FGL1: variants seen among roughly 807,000 people sequenced by gnomAD.
FGL1 encodes the protein fibrinogen-like protein 1.
Under a neutral mutation model 43.7 loss-of-function variants are expected in FGL1, and 59 were observed. That is an observed-to-expected ratio of 1.35 (90% CI 1.10 to 1.68). FGL1 has a LOEUF of 1.68. FGL1 is among the 40% of genes most tolerant of loss of function. FGL1 has a pLI of 0.00. For missense variants in FGL1, 596 were observed against 373.0 expected (o/e 1.60, Z -4.92); for synonymous variants, 192 against 126.5 (o/e 1.52, Z -3.48).
At chr8:17,876,368 G>A (rs958725421) in intron 3 of FGL1, among the ~76,000 whole-genome samples, 1 of 152,090 alleles carries the variant, frequency 6.6e-6, no homozygotes, top group African/African-American at 2.4e-5. Flanking sequence ...GAAAAGAAAA[G>A]AAAGAACCTT....
chr8:17,873,976 T>C (rs764832375), intron 5 of FGL1, 43 bp downstream of exon 5: 23 of 1,441,540 alleles, frequency 1.6e-5, no homozygotes, highest in Non-Finnish European at 2.1e-5. Context: ...TTAGTGTTGT[T>C]TTTATTATAT....
At chr8:17,873,724 A>G (rs974976040) in intron 5 of FGL1, among the ~76,000 whole-genome samples, 4 of 149,854 alleles carry the variant, frequency 2.7e-5, no homozygotes, top group African/African-American at 9.7e-5. Context: ...ATATCTATAT[A>G]TAGCTACATA....
At chr8:17,882,756 A>G (rs866808000) in intron 2 of FGL1, 12 of 95,724 alleles carry the variant, frequency 1.3e-4, no homozygotes, top group Admixed American at 3.5e-4. Context: ...AATATATATA[A>G]TATATAATAT....
rs1563458007 is a variant in FGL1, at chr8:17,883,105, A to AATAATATATAATATATTAAATAATAT, written c.64-927_64-926insATATTATTTAATATATTATATATTAT. On this transcript the variant is annotated intron_variant, in intron 2 of 7. Transcript: ENST00000427924. ...AATATATATCATATGTAATATATTA[A>AATAATATATAATATATTAAATAATAT]ATAATATATATCATATATAATATAT... Among the ~76,000 whole-genome samples, 2 of 15,028 alleles carry AATAATATATAATATATTAAATAATAT rather than the reference A, an allele frequency of 1.3e-4. 1 individual carries two copies. Among genetic ancestry groups the AATAATATATAATATATTAAATAATAT allele is most frequent in the Non-Finnish European group, 2.9e-4 (2 of 6,992 alleles). The allele number at this position is 15,028 out of a possible 152,430, so 9.9% of individuals were successfully genotyped here.
chr8:17,878,393 C>G (rs1005529423), intron 3 of FGL1, among the ~76,000 whole-genome samples: 4 of 152,198 alleles, frequency 2.6e-5, no homozygotes, highest in Non-Finnish European at 4.4e-5. Flanking sequence ...AGATGGGCAG[C>G]TGGACTTTGA....
chr8:17,891,619 T>G (rs907774408), intron 1 of FGL1: 1 of 932,214 alleles, frequency 1.1e-6, no homozygotes, highest in Non-Finnish European at 1.3e-6. Flanking sequence ...GGGGCACAGC[T>G]GAACCTAGCA....
intron 1 of FGL1, among the ~76,000 whole-genome samples, chr8:17,893,807 A>G (rs1292563591): frequency 6.8e-6 from 1 of 147,432 alleles, no homozygotes; most frequent in Non-Finnish European, 1.5e-5. Flanking sequence ...TCTGGTCTCC[A>G]TCATTCATTA....
rs533070431 is a variant in FGL1 at position 17,870,127 on chromosome 8, C to CA, written c.503-1124dup. Among the ~76,000 whole-genome samples the CA allele has an allele frequency of 2.7e-4, 40 of 150,856 alleles. No homozygotes were observed. In the East Asian group the frequency reaches 6.1e-3, roughly 23 times the overall value. ...TCCGTCGCAAAAAACAACAAAAAAA[C>CA]AAAAAAAAGAATACAATGTATTGGG... On this transcript the variant is annotated intron_variant, in intron 5 of 7. Transcript: ENST00000427924.
intron 7 of FGL1, among the ~76,000 whole-genome samples, chr8:17,867,366 G>C (rs1391577784): frequency 6.6e-6 from 1 of 152,184 alleles, no homozygotes; most frequent in East Asian, 1.9e-4. Context: ...GACAGTGTAT[G>C]TCACTGTAAA....
chr8:17,888,706 C>T (rs2053663723), intron 1 of FGL1, among the ~76,000 whole-genome samples: 1 of 152,008 alleles, frequency 6.6e-6, no homozygotes, highest in South Asian at 2.1e-4. Flanking sequence ...AGGATTGTAT[C>T]AGATATAAAT....
intron 3 of FGL1, chr8:17,874,754 G>T: frequency 3.0e-6 from 1 of 335,012 alleles, no homozygotes; most frequent in Admixed American, 4.7e-5. Flanking sequence ...GGAAAAAAGG[G>T]GAGTGAAATA....
chr8:17,867,352 C>G (rs1245842572), intron 7 of FGL1, among the ~76,000 whole-genome samples: 1 of 152,054 alleles, frequency 6.6e-6, no homozygotes, highest in Admixed American at 6.5e-5. Context: ...CAAAAGAAGA[C>G]CACGACAGTG....
intron 6 of FGL1, 41 bp from the exon 7 acceptor site, chr8:17,868,776 T>C: frequency 1.9e-6 from 3 of 1,545,456 alleles, no homozygotes; most frequent in Non-Finnish European, 2.6e-6. Flanking sequence ...GGAGTTCCTC[T>C]ATGACCATTT....
At chr8:17,890,460 C>T (rs1403614404) in intron 1 of FGL1, among the ~76,000 whole-genome samples, 2 of 152,112 alleles carry the variant, frequency 1.3e-5, no homozygotes, top group African/African-American at 2.4e-5. Context: ...CTTCTCAGGG[C>T]GATTGCACTT....
intron 7 of FGL1, among the ~76,000 whole-genome samples, chr8:17,867,150 G>T (rs34787880): frequency 3.6e-4 from 55 of 152,230 alleles, no homozygotes; most frequent in Middle Eastern, 3.4e-3. Context: ...CAGGGGATAC[G>T]TTCTAAGACC....
intron 5 of FGL1, among the ~76,000 whole-genome samples, chr8:17,870,028 T>A (rs1046905660): frequency 5.3e-5 from 8 of 152,176 alleles, no homozygotes; most frequent in Admixed American, 3.9e-4. Context: ...GAGAATGGCG[T>A]GAACCCAGAA....
At chr8:17,865,669 A>C (rs1563444839) in intron 7 of FGL1, among the ~76,000 whole-genome samples, 1 of 152,228 alleles carries the variant, frequency 6.6e-6, no homozygotes, top group Non-Finnish European at 1.5e-5. Flanking sequence ...TATAATTTAC[A>C]TGTAACAGTA....
intron 5 of FGL1, among the ~76,000 whole-genome samples, chr8:17,871,744 A>C (rs2053365110): frequency 1.3e-5 from 2 of 152,120 alleles, no homozygotes; most frequent in Admixed American, 6.5e-5. Context: ...AACACTGGCT[A>C]TTGTCTGGAT....
intron 7 of FGL1, among the ~76,000 whole-genome samples, chr8:17,867,566 C>T (rs536047720): frequency 1.3e-5 from 2 of 152,172 alleles, no homozygotes; most frequent in Non-Finnish European, 2.9e-5. Flanking sequence ...AGCATTACAG[C>T]TCTTGTGCTT....
Sources: allele counts gnomAD v4.1 joint callset (sites outside exome capture counted in the v4.1 genomes callset), GRCh38; gene constraint gnomAD v4.1.1; transcripts MANE v1.5; gene names NCBI Gene and HGNC (gene_info 2026-07-23, HGNC 2026-07-21).